PPP4R4: variants seen among roughly 807,000 people sequenced by gnomAD.
The protein encoded by PPP4R4 is serine/threonine-protein phosphatase 4 regulatory subunit 4.
Under a neutral mutation model 121.8 loss-of-function variants are expected in PPP4R4, and 70 were observed. The observed-to-expected ratio is 0.57, with a 90% confidence interval of 0.47 to 0.70. PPP4R4 has a LOEUF of 0.70. Ranked by LOEUF, PPP4R4 falls within the 30% of genes least tolerant of loss-of-function variation. The pLI, the probability that PPP4R4 is intolerant of heterozygous loss-of-function variation, is 0.00. For missense variants in PPP4R4, 875 were observed against 1,033.6 expected (o/e 0.85, Z 2.10); for synonymous variants, 348 against 355.7 (o/e 0.98, Z 0.24).
intron 2 of PPP4R4, among the ~76,000 whole-genome samples, chr14:94,196,689 C>T (rs1002457430): frequency 6.6e-6 from 1 of 152,008 alleles, no homozygotes; most frequent in Non-Finnish European, 1.5e-5. Flanking sequence ...GTTTATTCAT[C>T]TTTTTCTTCT....
chr14:94,239,930 AC>A (rs1473654855), intron 8 of PPP4R4, among the ~76,000 whole-genome samples: 1 of 152,222 alleles, frequency 6.6e-6, no homozygotes, highest in Non-Finnish European at 1.5e-5. Context: ...ATGTCATTTA[AC>A]AAAAATAGTA....
At chr14:94,265,755 A>T (rs1361837238) in intron 21 of PPP4R4, 39 bp from the exon 22 acceptor site, 1 of 1,426,636 alleles carries the variant, frequency 7.0e-7, no homozygotes, top group Non-Finnish European at 9.8e-7. Flanking sequence ...GCCGAGGATG[A>T]ACTGAATACA....
In PPP4R4 at chr14:94,245,689, A is replaced by G; in HGVS notation, c.1428+19A>G. 6.6e-7 allele frequency: 1 copy of G among 1,513,504 alleles called. No homozygotes were observed. Among genetic ancestry groups the G allele is most frequent in the East Asian group, 2.3e-5 (1 of 44,180 alleles). The allele number at this position is 1,513,504 out of a possible 1,614,324, so 93.8% of individuals were successfully genotyped here. A position where few individuals can be genotyped will look rare whatever the true frequency, so the allele number is the denominator to read the frequency against. On this transcript the variant is annotated intron_variant, in intron 13 of 24. Transcript: ENST00000304338. Reference sequence around the variant, plus strand: ...AAATAAGGTAAACTTCATCTTTCAGAAACATTCTGAGTTGTGTAAATATTA... The same window carrying G: ...AAATAAGGTAAACTTCATCTTTCAGGAACATTCTGAGTTGTGTAAATATTA...
rs1162670066 is a variant in PPP4R4, at chr14:94,234,791, G to A, written c.731+122G>A. The A allele has an allele frequency of 6.8e-6, 5 of 736,588 alleles. No individual in the cohort carries two copies. The East Asian group carries it at 1.1e-4, about 16-fold the overall frequency. 45.6% of individuals were successfully genotyped at this position (736,588 alleles called of 1,614,324 possible). On this transcript the variant is annotated intron_variant, in intron 7 of 24. Coordinates refer to ENST00000304338, the MANE Select transcript of PPP4R4 (RefSeq NM_058237.2). ...CTATGTCTGGATTAAAAGAGATAAA[G>A]AGGAATGTGCTTAGCATGGTGGTAG...
intron 2 of PPP4R4, among the ~76,000 whole-genome samples, chr14:94,203,162 A>C (rs1471604263): frequency 6.6e-6 from 1 of 152,110 alleles, no homozygotes; most frequent in Non-Finnish European, 1.5e-5. Context: ...GATCTCTCAC[A>C]TTACACTTGT....
At chr14:94,257,093 G>A (rs1335835900) in intron 17 of PPP4R4, among the ~76,000 whole-genome samples, 1 of 152,046 alleles carries the variant, frequency 6.6e-6, no homozygotes, top group Non-Finnish European at 1.5e-5. Context: ...GAATCAGGAG[G>A]ACTAGAATAG....
At chr14:94,228,175 A>G (rs1891824752) in intron 3 of PPP4R4, among the ~76,000 whole-genome samples, 1 of 152,242 alleles carries the variant, frequency 6.6e-6, no homozygotes, top group Non-Finnish European at 1.5e-5. Flanking sequence ...ACCATAGCAC[A>G]TAGACATTTG....
intron 3 of PPP4R4, among the ~76,000 whole-genome samples, chr14:94,228,978 A>C (rs1323251656): frequency 6.6e-6 from 1 of 152,130 alleles, no homozygotes; most frequent in African/African-American, 2.4e-5. Context: ...GGCTTGAAAG[A>C]GGTAGGGGAG....
At position 94,207,753 on chromosome 14, in the gene PPP4R4, C is replaced by T. The variant is rs74074122; in HGVS notation, c.192-711C>T. Among the ~76,000 whole-genome samples the T allele has an allele frequency of 3.1e-3, 462 of 151,338 alleles. 2 individuals are homozygous for T. The highest frequency in any genetic ancestry group is 0.011 in the African/African-American group (447 of 41,142). ...ATTTCAAGTACTTTCAGAACTTAGG[C>T]CACTTTGGTTATATTTGAAAACAGT... On this transcript the variant is annotated intron_variant, in intron 2 of 24. Coordinates refer to ENST00000304338, the MANE Select transcript of PPP4R4 (RefSeq NM_058237.2).
At position 94,174,564 on chromosome 14, in the gene PPP4R4, G is replaced by T. The variant is rs1423570917; in HGVS notation, c.99G>T (p.Pro33=). ...AGGAGCTCACCATCATCGAGAGGCC[G>T]GTCCGCCGGAGCCTCAAGGTGCGCC... ...DLQELTIIER[P]VRRSLKTPEE... Residue 33 remains proline, a synonymous_variant, in exon 1 of 25, where the codon CCG becomes CCT. Coordinates refer to ENST00000304338, the MANE Select transcript of PPP4R4 (RefSeq NM_058237.2). The T allele has an allele frequency of 1.2e-6, 2 of 1,611,816 alleles. No homozygotes were observed. The highest frequency in any genetic ancestry group is 3.3e-5 in the Admixed American group (2 of 59,962).
At chr14:94,221,594 T>C (rs1891391452) in intron 3 of PPP4R4, among the ~76,000 whole-genome samples, 1 of 152,100 alleles carries the variant, frequency 6.6e-6, no homozygotes, top group Admixed American at 6.5e-5. Flanking sequence ...GAAAAGATGT[T>C]CAACATCATT....
At chr14:94,237,418 T>C (rs554561069) in intron 7 of PPP4R4, 147 bp from the exon 8 acceptor site, 52 of 657,848 alleles carry the variant, frequency 7.9e-5, no homozygotes, top group Middle Eastern at 7.9e-4. Context: ...GCTTTCCCAA[T>C]AAGACTGAAA....
At chr14:94,276,379 A>G (rs2139674577) in intron 24 of PPP4R4, among the ~76,000 whole-genome samples, 1 of 152,384 alleles carries the variant, frequency 6.6e-6, no homozygotes, top group Non-Finnish European at 1.5e-5. Context: ...ATAAAGAAAT[A>G]CCTGGGCCTG....
At chr14:94,215,969 C>T (rs1341910932) in intron 3 of PPP4R4, among the ~76,000 whole-genome samples, 1 of 152,046 alleles carries the variant, frequency 6.6e-6, no homozygotes, top group Non-Finnish European at 1.5e-5. Flanking sequence ...CATTATAGAC[C>T]TAAAAATATT....
At chr14:94,235,211 T>G (rs1892268942) in intron 7 of PPP4R4, among the ~76,000 whole-genome samples, 1 of 152,110 alleles carries the variant, frequency 6.6e-6, no homozygotes, top group Non-Finnish European at 1.5e-5. Context: ...AAGAAAAAAG[T>G]CTGTACATGT....
chr14:94,251,765 A>G lies in PPP4R4; in HGVS notation c.1734A>G (p.Lys578=). Residue 578 remains lysine, a synonymous_variant, in exon 16 of 25, where the codon AAA becomes AAG. Coordinates refer to ENST00000304338, the MANE Select transcript of PPP4R4 (RefSeq NM_058237.2). ...QKLIEQLGQG[K]SYWNRLRFLD... is the part of the protein sequence containing the mutation. The stretch of plus-strand genomic sequence containing the variant: ...TGTTTCTAGAATTGGGCCAAGGAAA[A>G]AGTTACTGGAATAGACTTCGATTTT... 1 of 1,553,560 alleles carries G rather than the reference A, an allele frequency of 6.4e-7. No homozygotes were observed. The highest frequency in any genetic ancestry group is 8.7e-7 in the Non-Finnish European group (1 of 1,154,718).
intron 2 of PPP4R4, among the ~76,000 whole-genome samples, chr14:94,178,525 A>T (rs73340804): frequency 0.031 from 4,677 of 151,896 alleles, 194 homozygotes; most frequent in African/African-American, 0.09. Context: ...ATTTAGATTG[A>T]ATCCAGTATC....
intron 2 of PPP4R4, among the ~76,000 whole-genome samples, chr14:94,192,891 T>G (rs181939510): frequency 9.2e-5 from 14 of 152,286 alleles, no homozygotes; most frequent in African/African-American, 3.4e-4. Flanking sequence ...AGATTTTAAG[T>G]TCTTAGAGGT....
At chr14:94,263,214 A>G (rs185298929) in intron 19 of PPP4R4, among the ~76,000 whole-genome samples, 2 of 151,848 alleles carry the variant, frequency 1.3e-5, no homozygotes, top group African/African-American at 4.8e-5. Flanking sequence ...TTCTCTTCCA[A>G]TTTTTCTCTC....
Sources: gnomAD v4.1 joint callset for allele counts (sites outside exome capture counted in the v4.1 genomes callset) on GRCh38, gnomAD v4.1.1 for gene constraint, MANE v1.5 for transcripts, NCBI Gene and HGNC (gene_info 2026-07-23, HGNC 2026-07-21) for gene names.